FSCN2: variants seen among roughly 807,000 people sequenced by gnomAD.
The protein encoded by FSCN2 is fascin actin-bundling protein 2, retinal.
FSCN2 carries 46 observed loss-of-function variants against 37.8 expected under a neutral mutation model. The ratio of observed to expected loss-of-function variants is 1.22; its 90% CI spans 0.96 to 1.56. FSCN2 has a LOEUF of 1.56. FSCN2 is among the 40% of genes most tolerant of loss of function. The pLI is 0.00. For synonymous variants in FSCN2, 351 were observed against 309.4 expected (o/e 1.13, Z -1.41); for missense variants, 844 against 730.4 (o/e 1.16, Z -1.79).
upstream of FSCN2, among the ~76,000 whole-genome samples, chr17:81,524,157 A>C (rs1443836485): frequency 2.0e-5 from 3 of 152,224 alleles, no homozygotes; most frequent in African/African-American, 7.2e-5. Context: ...GGTGGACACC[A>C]GGTGCCGGTG....
At chr17:81,536,399 T>C (rs1218294007) in intron 3 of FSCN2, 132 bp downstream of exon 3, 1 of 1,436,900 alleles carries the variant, frequency 7.0e-7, no homozygotes, top group Non-Finnish European at 9.3e-7. Flanking sequence ...CATGGAGTCA[T>C]ACTTGCTAGT....
intron 1 of FSCN2, 78 bp from the exon 2 acceptor site, chr17:81,534,974 G>A: frequency 9.1e-7 from 1 of 1,096,092 alleles, no homozygotes. Context: ...GGCTTCAGGG[G>A]TGCCCCCCAA....
rs782414995 is a variant in FSCN2, at chr17:81,528,585, C to T, written c.54C>T (p.Asn18=). 105 of 1,608,810 alleles carry T rather than the reference C, an allele frequency of 6.5e-5. 1 individual carries two copies. In the East Asian group the frequency reaches 8.5e-4, roughly 13 times the overall value. The part of the protein sequence containing the change: ...QVLKIQFGLV[N]DTDRYLTAES... ...TGAAGATCCAGTTTGGCCTCGTCAA[C>T]GACACTGACCGCTACCTGACAGCTG... is the stretch of plus-strand genomic sequence containing the variant. The change falls in exon 1 of 5, where the codon AAC becomes AAT. Residue 18 remains asparagine (N), a synonymous_variant. Transcript: ENST00000417245.
the FSCN2 span, among the ~76,000 whole-genome samples, chr17:81,517,754 C>T: frequency 7.9e-6 from 1 of 127,158 alleles, no homozygotes; most frequent in Admixed American, 8.0e-5. Flanking sequence ...CCCAGGAGCT[C>T]CGGCCGCCCC....
At position 81,528,864 on chromosome 17, in the gene FSCN2, C is replaced by T. The variant is rs117946784; in HGVS notation, c.333C>T (p.Phe111=). The T allele has an allele frequency of 0.02, 31,257 of 1,561,422 alleles. 439 individuals carry two copies. The highest frequency in any genetic ancestry group is 0.022 in the Non-Finnish European group (25,200 of 1,156,352). ...VLRSEPHGRF[F]GGTEDQLSCF... is the part of the protein sequence containing the mutation. ...GGTCCGAGCCGCACGGCCGCTTCTT[C>T]GGAGGCACCGAGGACCAGCTGTCCT... The change falls in exon 1 of 5, where the codon TTC becomes TTT. Residue 111 remains phenylalanine, a synonymous_variant. Transcript: ENST00000417245.
rs1568083673 is a variant in FSCN2, at chr17:81,536,741, TACG to T, written c.1229_1231del (p.Asp410del). 1.2e-6 allele frequency: 2 copies of T among 1,610,596 alleles called. No individual in the cohort carries two copies. The highest frequency in any genetic ancestry group is 1.7e-5 in the Admixed American group (1 of 59,826). On this transcript the variant is annotated inframe_deletion, in exon 4 of 5. Transcript: ENST00000417245. Reference sequence around the variant, plus strand: ...CCAGCTGGACACCAACCGCTCCGTCTACGACGTCTTCCACCTGAGCTTCAGCGA... The same window carrying T: ...CCAGCTGGACACCAACCGCTCCGTCTACGTCTTCCACCTGAGCTTCAGCGA...
chr17:81,534,063 G>A (rs775331871), intron 1 of FSCN2, among the ~76,000 whole-genome samples: 1 of 152,190 alleles, frequency 6.6e-6, no homozygotes, highest in South Asian at 2.1e-4. Flanking sequence ...ATGCTGGCAC[G>A]AATACTCGGT....
chr17:81,525,858 A>G (rs1555670039), upstream of FSCN2, among the ~76,000 whole-genome samples: 1 of 152,216 alleles, frequency 6.6e-6, no homozygotes, highest in East Asian at 1.9e-4. Flanking sequence ...GCTGGGCAAC[A>G]GCCTGGGGTC....
chr17:81,525,521 GA>G (rs1282662447), upstream of FSCN2, among the ~76,000 whole-genome samples: 2 of 150,298 alleles, frequency 1.3e-5, no homozygotes, highest in African/African-American at 4.9e-5. Context: ...AGGAGTTCGA[GA>G]CCAGTCTGAC....
the FSCN2 span, among the ~76,000 whole-genome samples, chr17:81,519,813 C>T: frequency 6.6e-6 from 1 of 152,208 alleles, no homozygotes; most frequent in African/African-American, 2.4e-5. Flanking sequence ...GTCCCTCCTG[C>T]GACCGAGGAC....
intron 1 of FSCN2, 25 bp downstream of exon 1, chr17:81,529,382 T>G (rs782196670): frequency 1.3e-5 from 20 of 1,502,460 alleles, no homozygotes; most frequent in Non-Finnish European, 1.8e-5. Context: ...GGTGGCGACC[T>G]CCTGAGGGGT....
At chr17:81,529,924 C>T (rs1441022697) in intron 1 of FSCN2, among the ~76,000 whole-genome samples, 1 of 152,262 alleles carries the variant, frequency 6.6e-6, no homozygotes, top group South Asian at 2.1e-4. Context: ...ATTCTCCTGC[C>T]TCAGCCTCCC....
chr17:81,517,440 G>T, the FSCN2 span, among the ~76,000 whole-genome samples: 1 of 152,232 alleles, frequency 6.6e-6, no homozygotes, highest in Non-Finnish European at 1.5e-5. Context: ...TGGACAGGAA[G>T]TCTGGGGACA....
chr17:81,532,040 GATGGTGATGATGGTGATGGTGATGATA>G (rs2032665555), intron 1 of FSCN2, among the ~76,000 whole-genome samples: 3 of 135,446 alleles, frequency 2.2e-5, no homozygotes, highest in African/African-American at 5.5e-5. Context: ...TGGTGATGAT[GATGGTGATGATGGTGATGGTGATGATA>G]GTGATGGTGG....
chr17:81,529,117 A>G lies in FSCN2; in HGVS notation c.586A>G (p.Ser196Gly). Reference protein sequence around the residue: ...LKSCDSRYLRSDGRLVWEPEP... With the variant: ...LKSCDSRYLRGDGRLVWEPEP... ...GTCCTGTGACAGCCGCTACCTGCGC[A>G]GCGACGGCCGTCTGGTCTGGGAGCC... The change falls in exon 1 of 5, where the codon AGC becomes GGC. Residue 196 changes from serine (S) to glycine (G), a missense_variant. Physicochemically the swap from Ser to Gly is moderately conservative, Grantham distance 56. Coordinates refer to ENST00000417245, the MANE Select transcript of FSCN2 (RefSeq NM_012418.4). 1 of 1,583,658 alleles carries G rather than the reference A, an allele frequency of 6.3e-7. No homozygotes were observed.
upstream of FSCN2, among the ~76,000 whole-genome samples, chr17:81,528,152 G>T (rs1165731815): frequency 3.3e-5 from 5 of 152,198 alleles, no homozygotes; most frequent in Non-Finnish European, 7.4e-5. Context: ...GAAGAGGGGC[G>T]CTGGGCCCAC....
At position 81,529,304 on chromosome 17, in the gene FSCN2, A is replaced by G. The variant is rs782116269; in HGVS notation, c.773A>G (p.His258Arg). 7.0e-6 allele frequency: 11 copies of G among 1,568,992 alleles called. No individual in the cohort carries two copies. Among genetic ancestry groups the G allele is most frequent in the Non-Finnish European group, 6.9e-6 (8 of 1,155,600 alleles). The change falls in exon 1 of 5, where the codon CAC (histidine) becomes CGC (arginine). Residue 258 changes from histidine (H) to arginine (R), a missense_variant. His to Arg is a conservative substitution (Grantham distance 29, BLOSUM62 0). Transcript: ENST00000417245. ...KDELFDLEES[H>R]PQVVLVAANH... ...GAGCTCTTTGATCTGGAGGAGAGTC[A>G]CCCACAGGTGGTGCTGGTGGCTGCC...
rs745312219 is a variant in FSCN2 at position 81,536,155 on chromosome 17, C to T, written c.993C>T (p.Asn331=). The T allele has an allele frequency of 6.2e-7, 1 of 1,607,298 alleles. No individual in the cohort carries two copies. The highest frequency in any genetic ancestry group is 8.5e-7 in the Non-Finnish European group (1 of 1,177,600). The change falls in exon 3 of 5, where the codon AAC becomes AAT. Residue 331 remains asparagine (N), a synonymous_variant. Transcript: ENST00000417245. ...TTGCTGCTCCCTCCAGTTCTGCCAA[C>T]ACCATGTTTGAGATGGAGTGGCGTG... is the stretch of plus-strand genomic sequence containing the variant. ...IHATATQVSA[N]TMFEMEWRGR...
At chr17:81,524,914 CA>C (rs2032302818), upstream of FSCN2, among the ~76,000 whole-genome samples, 2 of 149,664 alleles carry the variant, frequency 1.3e-5, no homozygotes, top group African/African-American at 2.4e-5. Flanking sequence ...CACACACACA[CA>C]CACACCACAC....
Sources: allele counts gnomAD v4.1 joint callset (sites outside exome capture counted in the v4.1 genomes callset), GRCh38; gene constraint gnomAD v4.1.1; transcripts MANE v1.5; gene names NCBI Gene and HGNC (gene_info 2026-07-23, HGNC 2026-07-21).